The following KDM4B variants were observed in gnomAD, a reference collection of about 807,000 sequenced individuals.
KDM4B encodes lysine demethylase 4B.
KDM4B carries 32 observed loss-of-function variants against 125.2 expected under a neutral mutation model. The observed-to-expected ratio is 0.26, with a 90% CI of 0.19 to 0.34. The LOEUF (loss-of-function observed/expected upper bound fraction) is 0.34. Ranked by LOEUF, KDM4B falls within the 10% of genes least tolerant of loss-of-function variation. The pLI is 1.00. For missense variants in KDM4B, 1,190 were observed against 1,577.7 expected (o/e 0.75, Z 4.16); for synonymous variants, 721 against 677.9 (o/e 1.06, Z -0.99).
At chr19:5,144,738 G>A in intron 20 of KDM4B, 45 bp from the exon 21 acceptor site, 2 of 1,612,138 alleles carry the variant, frequency 1.2e-6, no homozygotes, top group Non-Finnish European at 1.7e-6. Flanking sequence ...ACAGCCCCCA[G>A]CGTAGTGTGG....
At chr19:5,143,907 C>T (rs909417175) in intron 18 of KDM4B, 60 bp from the exon 19 acceptor site, 245 of 1,361,744 alleles carry the variant, frequency 1.8e-4, no homozygotes, top group Non-Finnish European at 2.1e-4. Flanking sequence ...CCGGGGACTC[C>T]GTTCCAGGGT....
At chr19:5,083,400 G>C (rs2038366529) in intron 9 of KDM4B, among the ~76,000 whole-genome samples, 1 of 152,220 alleles carries the variant, frequency 6.6e-6, no homozygotes, top group African/African-American at 2.4e-5. Context: ...TGAATCCTAA[G>C]CCTCAGAAAG....
chr19:5,013,058 C>G (rs1336484938), intron 1 of KDM4B, among the ~76,000 whole-genome samples: 1 of 152,170 alleles, frequency 6.6e-6, no homozygotes, highest in Non-Finnish European at 1.5e-5. Context: ...GGCCTCAGCC[C>G]CAGAGCCTCC....
intron 1 of KDM4B, among the ~76,000 whole-genome samples, chr19:4,991,888 C>T (rs2035041752): frequency 6.6e-6 from 1 of 152,204 alleles, no homozygotes; most frequent in Non-Finnish European, 1.5e-5. Flanking sequence ...TTTTCGCTTG[C>T]AATCTGTCGA....
At chr19:5,047,788 C>A in intron 6 of KDM4B, 119 bp downstream of exon 6, 4 of 925,586 alleles carry the variant, frequency 4.3e-6, no homozygotes, top group East Asian at 2.5e-5. Context: ...CCGCAAAGGT[C>A]GGCCTATGAC....
intron 9 of KDM4B, among the ~76,000 whole-genome samples, chr19:5,090,480 CTCT>C (rs1265966119): frequency 3.3e-5 from 1 of 30,564 alleles, no homozygotes; most frequent in Non-Finnish European, 6.8e-5. Flanking sequence ...CTCTCCCCCC[CTCT>C]CTTTCTCTCC....
rs899497438 is a variant in KDM4B, at chr19:4,980,718, G to A, written c.-109+11488G>A. ...GCTGGGATGACAGGCGTGAGCCACC[G>A]CGCCCGGCCCACTTTGTCTCTTTAC... On this transcript the variant is annotated intron_variant, in intron 1 of 22. Transcript: ENST00000159111. Among the ~76,000 whole-genome samples, 4 of 152,198 alleles carry A rather than the reference G, an allele frequency of 2.6e-5. No individual in the cohort carries two copies. The South Asian group carries it at 8.3e-4, about 32-fold the overall frequency.
rs55806859 is a variant in KDM4B at position 5,057,065 on chromosome 19, T to TGTGTGCGCGCGC, written c.626+9397_626+9398insTGTGCGCGCGCG. On this transcript the variant is annotated intron_variant, in intron 6 of 22. Coordinates refer to ENST00000159111, the MANE Select transcript of KDM4B (RefSeq NM_015015.3). Reference sequence around the variant, plus strand: ...GTGTGTGTGTGTGTGTGTGTGTGTGTGCGCGCGCGCGCGTATGTTAGCAAA... The same window carrying TGTGTGCGCGCGC: ...GTGTGTGTGTGTGTGTGTGTGTGTGTGTGTGCGCGCGCGCGCGCGCGCGCGTATGTTAGCAAA... Among the ~76,000 whole-genome samples, 181 of 128,382 alleles carry TGTGTGCGCGCGC rather than the reference T, an allele frequency of 1.4e-3. 1 individual carries two copies. Among genetic ancestry groups the TGTGTGCGCGCGC allele is most frequent in the African/African-American group, 5.7e-3 (179 of 31,286 alleles). The allele number at this position is 128,382 out of a possible 152,430, so 84.2% of individuals were successfully genotyped here. A position where few individuals can be genotyped will look rare whatever the true frequency, so the allele number is the denominator to read the frequency against.
rs1247576609 is a variant in KDM4B, at chr19:5,023,028, G to C, written c.-26+6689G>C. 9.2e-5 allele frequency among the ~76,000 whole-genome samples: 14 copies of C among 152,148 alleles called. 1 individual carries two copies. The South Asian group carries it at 2.9e-3, about 32-fold the overall frequency. On this transcript the variant is annotated intron_variant, in intron 2 of 22. Coordinates refer to ENST00000159111, the MANE Select transcript of KDM4B (RefSeq NM_015015.3). ...GAATATATTACCTTAAATGACAAAA[G>C]GGACTTTTCGCGGGTGGGACTGAGT... is the stretch of plus-strand genomic sequence containing the variant.
Position 5,144,316 on chromosome 19 carries a change from C to T in KDM4B, c.2805C>T (p.Tyr935=). ...CCAAGAACCGCAACGGGCTGTACTA[C>T]CGCTGTCGCGTCATCGGTGCCGCCT... ...VITKNRNGLY[Y]RCRVIGAASQ... is the part of the protein sequence containing the mutation. The change falls in exon 20 of 23, where the codon TAC becomes TAT. Residue 935 remains tyrosine (Y), a synonymous_variant. Coordinates refer to ENST00000159111, the MANE Select transcript of KDM4B (RefSeq NM_015015.3). 6.3e-7 allele frequency: 1 copy of T among 1,586,840 alleles called. No individual in the cohort carries two copies. The highest frequency in any genetic ancestry group is 8.6e-7 in the Non-Finnish European group (1 of 1,166,938).
chr19:5,104,824 C>G (rs2039004190), intron 9 of KDM4B, among the ~76,000 whole-genome samples: 1 of 152,168 alleles, frequency 6.6e-6, no homozygotes, highest in African/African-American at 2.4e-5. Flanking sequence ...CTCAGCAAAC[C>G]CGGGAGAACC....
chr19:5,022,466 T>C (rs1407341125), intron 2 of KDM4B, among the ~76,000 whole-genome samples: 1 of 152,070 alleles, frequency 6.6e-6, no homozygotes, highest in Non-Finnish European at 1.5e-5. Flanking sequence ...CCTGAGTGTC[T>C]GAAGAAGTAA....
intron 21 of KDM4B, among the ~76,000 whole-genome samples, chr19:5,149,415 CCACCT>C (rs754503894): frequency 1.3e-5 from 2 of 152,248 alleles, no homozygotes; most frequent in Non-Finnish European, 2.9e-5. Context: ...ACTACAGCCT[CCACCT>C]CAGCCTCCTG....
Position 5,144,306 on chromosome 19 carries a change from G to A in KDM4B, c.2795G>A (p.Gly932Glu). ...GTGGTCATCACCAAGAACCGCAACGGGCTGTACTACCGCTGTCGCGTCATC... is the reference window on the plus strand; with the variant it reads ...GTGGTCATCACCAAGAACCGCAACGAGCTGTACTACCGCTGTCGCGTCATC... Reference protein sequence around the residue: ...GQVVITKNRNGLYYRCRVIGA... With the variant: ...GQVVITKNRNELYYRCRVIGA... The change falls in exon 20 of 23, where the codon GGG becomes GAG. Residue 932 changes from glycine to glutamate, a missense_variant. Gly to Glu is a moderately conservative substitution (Grantham distance 98, BLOSUM62 -2). Coordinates refer to ENST00000159111, the MANE Select transcript of KDM4B (RefSeq NM_015015.3). 2 of 1,591,106 alleles carry A rather than the reference G, an allele frequency of 1.3e-6. No individual in the cohort carries two copies. Among genetic ancestry groups the A allele is most frequent in the Non-Finnish European group, 1.7e-6 (2 of 1,169,338 alleles).
At position 5,131,424 on chromosome 19, in the gene KDM4B, C is replaced by T. The variant is rs200691572; in HGVS notation, c.1664C>T (p.Ala555Val). 711 of 1,610,616 alleles carry T rather than the reference C, an allele frequency of 4.4e-4. No homozygotes were observed. The highest frequency in any genetic ancestry group is 5.2e-4 in the Non-Finnish European group (615 of 1,179,568). The change falls in exon 12 of 23, where the codon GCC becomes GTC. Residue 555 changes from alanine to valine, a missense_variant. Physicochemically the swap from Ala to Val is moderately conservative, Grantham distance 64. Around this residue, in one of 7 missense-constraint regions of KDM4B, gnomAD observed 428 missense variants for 405.1 expected, o/e 1.06. Coordinates refer to ENST00000159111, the MANE Select transcript of KDM4B (RefSeq NM_015015.3). The part of the protein sequence containing the change: ...VSCQQAFEHF[A>V]QKGPTWKEPV... ...TGCCAGCAGGCCTTTGAGCACTTTGCCCAGAAGGGTCCGACCTGGAAGGAA... is the reference window on the plus strand; with the variant it reads ...TGCCAGCAGGCCTTTGAGCACTTTGTCCAGAAGGGTCCGACCTGGAAGGAA...
At chr19:5,122,820 G>A (rs1411952667) in intron 11 of KDM4B, among the ~76,000 whole-genome samples, 1 of 152,242 alleles carries the variant, frequency 6.6e-6, no homozygotes, top group Non-Finnish European at 1.5e-5. Flanking sequence ...ACGCTGCTGT[G>A]TGCTCCTCGG....
At position 5,111,513 on chromosome 19, in the gene KDM4B, A is replaced by C. The variant is rs776061116; in HGVS notation, c.1115+695A>C. The C allele has an allele frequency of 8.9e-5, 68 of 765,108 alleles. No homozygotes were observed. In the Middle Eastern group the frequency reaches 1.4e-3, roughly 15 times the overall value. 47.4% of individuals were successfully genotyped at this position (765,108 alleles called of 1,614,324 possible). On this transcript the variant is annotated intron_variant, in intron 10 of 22. Transcript: ENST00000159111. ...GGGACACGGAGGCAGGTCCCGGCCT[A>C]GGAGGAGATCCACTTCATGCCCAGA...
At chr19:5,018,004 G>A (rs1301391292) in intron 2 of KDM4B, among the ~76,000 whole-genome samples, 1 of 151,492 alleles carries the variant, frequency 6.6e-6, no homozygotes, top group African/African-American at 2.4e-5. Context: ...CTCCCAAAGT[G>A]CTGGGATTAC....
At chr19:5,135,630 G>T in intron 15 of KDM4B, 69 bp downstream of exon 15, 1 of 1,351,190 alleles carries the variant, frequency 7.4e-7, no homozygotes, top group African/African-American at 1.4e-5. Flanking sequence ...TGCCGGTGGG[G>T]GCTCCATCCT....
Sources: allele counts gnomAD v4.1 joint callset (sites outside exome capture counted in the v4.1 genomes callset), GRCh38; gene constraint gnomAD v4.1.1; regional missense constraint gnomAD v4.1.1; transcripts MANE v1.5; gene names NCBI Gene and HGNC (gene_info 2026-07-23, HGNC 2026-07-21).